Variants in SFI1 observed in about 807,000 individuals in gnomAD.
SFI1 encodes SFI1 centrin binding protein.
In SFI1, 195 loss-of-function variants were observed where a neutral mutation model predicts 207.5. The observed-to-expected ratio is 0.94, with a 90% CI of 0.84 to 1.06. SFI1 has a LOEUF of 1.06. SFI1 is among the 50% of genes least tolerant of loss of function. The probability of loss-of-function intolerance (pLI) is 0.00; values close to 1 mark genes in which losing one functional copy is unlikely to be tolerated. For missense variants in SFI1, 1,634 were observed against 1,588.0 expected (o/e 1.03, Z -0.49); for synonymous variants, 630 against 598.9 (o/e 1.05, Z -0.76).
intron 20 of SFI1, 191 bp from the exon 21 acceptor site, chr22:31,606,137 C>A (rs757403281): frequency 1.0e-5 from 6 of 601,174 alleles, no homozygotes; most frequent in Non-Finnish European, 1.8e-5. Context: ...GTGCCCAGCC[C>A]AGAGCAGCTG....
At chr22:31,604,556 G>C (rs1603324322) in intron 19 of SFI1, 152 bp downstream of exon 19, 1 of 671,106 alleles carries the variant, frequency 1.5e-6, no homozygotes, top group African/African-American at 1.8e-5. Flanking sequence ...GCGGGCCTTA[G>C]GCCATAGGGT....
At chr22:31,548,923 G>A (rs1395267391) in intron 5 of SFI1, among the ~76,000 whole-genome samples, 1 of 152,022 alleles carries the variant, frequency 6.6e-6, no homozygotes, top group African/African-American at 2.4e-5. Flanking sequence ...GAAGGAAAAG[G>A]TGTCAATGAG....
At chr22:31,572,890 C>A (rs1253317380) in intron 8 of SFI1, 168 bp from the exon 9 acceptor site, 5 of 587,558 alleles carry the variant, frequency 8.5e-6, no homozygotes, top group African/African-American at 1.8e-5. Context: ...CTTAAAGACC[C>A]TTTTACCCCA....
Position 31,585,149 on chromosome 22 carries a change from T to C in SFI1, c.1413+15T>C, listed in dbSNP as rs1260416147. On this transcript the variant is annotated intron_variant, in intron 14 of 32. Transcript: ENST00000400288. Reference sequence around the variant, plus strand: ...GGTACAAGCAGGTATGGAGTACTTTTTAGCAGATAGCTCTACTGGCTTACA... The same window carrying C: ...GGTACAAGCAGGTATGGAGTACTTTCTAGCAGATAGCTCTACTGGCTTACA... 6.2e-7 allele frequency: 1 copy of C among 1,608,658 alleles called. No homozygotes were observed. The highest frequency in any genetic ancestry group is 1.1e-5 in the South Asian group (1 of 90,784).
At chr22:31,586,950 A>G (rs1417387071) in intron 14 of SFI1, among the ~76,000 whole-genome samples, 4 of 152,234 alleles carry the variant, frequency 2.6e-5, no homozygotes, top group Non-Finnish European at 4.4e-5. Context: ...CTCTTGGTAT[A>G]GGTATCCCAG....
At chr22:31,547,011 A>T (rs779075538) in intron 5 of SFI1, 40 bp downstream of exon 5, 1 of 1,334,254 alleles carries the variant, frequency 7.5e-7, no homozygotes, top group Non-Finnish European at 1.1e-6. Context: ...TTACTGATGC[A>T]CATTATCAGA....
intron 6 of SFI1, among the ~76,000 whole-genome samples, chr22:31,553,826 T>C (rs1354063355): frequency 2.0e-5 from 3 of 149,014 alleles, no homozygotes; most frequent in Non-Finnish European, 3.0e-5. Context: ...CTATTTTTTT[T>C]TAATGGATTA....
At chr22:31,602,367 TCC>T in intron 16 of SFI1, 74 bp downstream of exon 16, 1 of 1,463,074 alleles carries the variant, frequency 6.8e-7, no homozygotes, top group Non-Finnish European at 9.5e-7. Context: ...CGGCCTCCCC[TCC>T]TCAGGAAGTT....
At chr22:31,567,419 A>G (rs2062434440) in intron 8 of SFI1, among the ~76,000 whole-genome samples, 1 of 152,198 alleles carries the variant, frequency 6.6e-6, no homozygotes, top group Non-Finnish European at 1.5e-5. Flanking sequence ...TTTGACTTTT[A>G]TTCCTGGGAA....
At chr22:31,564,650 A>G (rs2062069569) in intron 8 of SFI1, among the ~76,000 whole-genome samples, 1 of 149,466 alleles carries the variant, frequency 6.7e-6, no homozygotes, top group Admixed American at 6.7e-5. Flanking sequence ...GAACACAGGC[A>G]TGTGCTACCA....
rs563840359 is a variant in SFI1 at position 31,523,946 on chromosome 22, CT to C, written c.93-4725del. Among the ~76,000 whole-genome samples, 1,020 of 135,786 alleles carry C rather than the reference CT, an allele frequency of 7.5e-3. 10 individuals carry two copies. Among genetic ancestry groups the C allele is most frequent in the African/African-American group, 0.021 (769 of 37,148 alleles). 89.1% of individuals were successfully genotyped at this position (135,786 alleles called of 152,430 possible). ...CAATAGCACACCATGGCAAGGACTA[CT>C]TTTTTTTTTTTTTTTTTTGAGATTG... On this transcript the variant is annotated intron_variant, in intron 2 of 32. Coordinates refer to ENST00000400288, the MANE Select transcript of SFI1 (RefSeq NM_001007467.3).
rs1569452290 is a variant in SFI1 at position 31,606,274 on chromosome 22, CCTTCT to C, written c.2055-51_2055-47del. 8 of 1,513,644 alleles carry C rather than the reference CCTTCT, an allele frequency of 5.3e-6. No homozygotes were observed. The East Asian group carries it at 1.8e-4, about 34-fold the overall frequency. The allele number at this position is 1,513,644 out of a possible 1,614,324, so 93.8% of individuals were successfully genotyped here. A position where few individuals can be genotyped will look rare whatever the true frequency, so the allele number is the denominator to read the frequency against. On this transcript the variant is annotated intron_variant, in intron 20 of 32. Transcript: ENST00000400288. ...AGTAGGAATGATTCACAGAAGCCTCCCTTCTCTCTCTATCCTGGTGTCATCTGCCT... is the reference window on the plus strand; with the variant it reads ...AGTAGGAATGATTCACAGAAGCCTCCCTCTCTATCCTGGTGTCATCTGCCT...
intron 8 of SFI1, among the ~76,000 whole-genome samples, chr22:31,568,356 G>A (rs979475371): frequency 5.3e-5 from 8 of 150,160 alleles, no homozygotes; most frequent in East Asian, 1.9e-4. Context: ...GTGAAATCCC[G>A]TCTCTACTAA....
At chr22:31,587,635 TATCCATGG>T (rs1432392275) in intron 14 of SFI1, 1 of 154,106 alleles carries the variant, frequency 6.5e-6, no homozygotes, top group African/African-American at 2.4e-5. Context: ...GATACTTGAG[TATCCATGG>T]ATTTTGGTAT....
At chr22:31,616,451 G>A (rs929108679) in intron 29 of SFI1, 2 of 355,472 alleles carry the variant, frequency 5.6e-6, no homozygotes, top group Non-Finnish European at 1.0e-5. Context: ...GGAGGGTTGG[G>A]TAAGGCAAGG....
At position 31,540,251 on chromosome 22, in the gene SFI1, ATATTT is replaced by A. The variant is rs531554203; in HGVS notation, c.339-6594_339-6590del. Among the ~76,000 whole-genome samples the A allele has an allele frequency of 6.4e-3, 966 of 150,106 alleles. 6 individuals are homozygous for A. The highest frequency in any genetic ancestry group is 0.02 in the Middle Eastern group (6 of 294). On this transcript the variant is annotated intron_variant, in intron 4 of 32. Coordinates refer to ENST00000400288, the MANE Select transcript of SFI1 (RefSeq NM_001007467.3). The stretch of plus-strand genomic sequence containing the variant: ...TAATTTTTTAATTTGTTATTTATTT[ATATTT>A]TATTTTATTTTATTTATTTATTTAT...
At chr22:31,531,489 G>A (rs895440169) in intron 4 of SFI1, among the ~76,000 whole-genome samples, 10 of 152,208 alleles carry the variant, frequency 6.6e-5, no homozygotes, top group African/African-American at 2.4e-4. Context: ...GCAGGGCGCC[G>A]TGGCTCACGC....
chr22:31,566,785 A>G lies in SFI1; in HGVS notation c.765+5393A>G, dbSNP rs578135507. On this transcript the variant is annotated intron_variant, in intron 8 of 32. Coordinates refer to ENST00000400288, the MANE Select transcript of SFI1 (RefSeq NM_001007467.3). ...CTTGACATATAGTTCTCAAGGCTCT[A>G]TATTTGACAGAGAATCTCCTTTATT... Among the ~76,000 whole-genome samples, 6 of 152,316 alleles carry G rather than the reference A, an allele frequency of 3.9e-5. No individual in the cohort carries two copies. In the East Asian group the frequency reaches 9.6e-4, roughly 24 times the overall value.
chr22:31,610,241 C>T (rs1243157026), intron 22 of SFI1, among the ~76,000 whole-genome samples: 2 of 152,136 alleles, frequency 1.3e-5, no homozygotes, highest in Admixed American at 6.5e-5. Flanking sequence ...TACAGGCTGG[C>T]GGTCATAACC....
Sources: allele counts gnomAD v4.1 joint callset (sites outside exome capture counted in the v4.1 genomes callset), GRCh38; gene constraint gnomAD v4.1.1; transcripts MANE v1.5; gene names NCBI Gene and HGNC (gene_info 2026-07-23, HGNC 2026-07-21).